The following SNX25 variants were observed in gnomAD, a reference collection of about 807,000 sequenced individuals.
SNX25 encodes the protein sorting nexin-25.
In SNX25, 62 loss-of-function variants were observed where a neutral mutation model predicts 113.7. The observed-to-expected ratio is 0.55, with a 90% CI of 0.44 to 0.67. SNX25 has a LOEUF of 0.67. Ranked by LOEUF, SNX25 falls within the 30% of genes least tolerant of loss-of-function variation. SNX25 has a pLI of 0.00. For synonymous variants in SNX25, 421 were observed against 436.2 expected, an observed-to-expected ratio of 0.97 and a Z score of 0.43; for missense variants, 1,014 against 1,161.0, an observed-to-expected ratio of 0.87 and a Z score of 1.84.
chr4:185,223,585 CCTGCCTAACA>C (rs1040244491), intron 1 of SNX25, among the ~76,000 whole-genome samples: 2 of 151,806 alleles, frequency 1.3e-5, no homozygotes, highest in African/African-American at 4.8e-5. Context: ...GTAGGACCAT[CCTGCCTAACA>C]CGGTGAAACC....
At chr4:185,337,795 T>C (rs2095239444) in intron 10 of SNX25, among the ~76,000 whole-genome samples, 1 of 152,226 alleles carries the variant, frequency 6.6e-6, no homozygotes, top group Non-Finnish European at 1.5e-5. Flanking sequence ...TTAGGATATT[T>C]CTTATTTCAT....
intron 4 of SNX25, among the ~76,000 whole-genome samples, chr4:185,265,394 A>G (rs1747921168): frequency 6.6e-6 from 1 of 152,212 alleles, no homozygotes; most frequent in Non-Finnish European, 1.5e-5. Flanking sequence ...TACTGTAGGC[A>G]ATAGTAACAC....
chr4:185,311,239 A>G (rs1362246506), intron 7 of SNX25, among the ~76,000 whole-genome samples: 1 of 152,214 alleles, frequency 6.6e-6, no homozygotes, highest in Non-Finnish European at 1.5e-5. Context: ...TGATATCTTC[A>G]TTGATGAAAT....
Position 185,320,881 on chromosome 4 carries a change from GAAAGGAATA to G in SNX25, c.1476+18_1476+26del. ...GCTAACAAGGTAGTATATGTAGGCT[GAAAGGAATA>G]TTAATCACTAGCTGATGTAAACTTG... On this transcript the variant is annotated intron_variant, in intron 8 of 18. Transcript: ENST00000652585. The G allele has an allele frequency of 6.4e-7, 1 of 1,562,840 alleles. No individual in the cohort carries two copies. The highest frequency in any genetic ancestry group is 8.6e-7 in the Non-Finnish European group (1 of 1,157,222).
chr4:185,322,791 C>T (rs774185636), intron 8 of SNX25, among the ~76,000 whole-genome samples: 8 of 152,140 alleles, frequency 5.3e-5, no homozygotes, highest in African/African-American at 1.4e-4. Context: ...CTAGCTTCCT[C>T]GAAATAGCCT....
intron 1 of SNX25, among the ~76,000 whole-genome samples, chr4:185,243,179 AT>A (rs1560927579): frequency 6.6e-6 from 1 of 152,200 alleles, no homozygotes; most frequent in Non-Finnish European, 1.5e-5. Flanking sequence ...TTGCAATTTG[AT>A]TTTTATTATG....
chr4:185,352,219 C>T (rs1023593144), intron 14 of SNX25, among the ~76,000 whole-genome samples: 4 of 152,214 alleles, frequency 2.6e-5, no homozygotes, highest in Admixed American at 6.5e-5. Flanking sequence ...GTAGGCTGTG[C>T]ACTCCTGTTC....
chr4:185,307,105 C>G (rs1754573478), intron 6 of SNX25, among the ~76,000 whole-genome samples: 1 of 152,180 alleles, frequency 6.6e-6, no homozygotes, highest in Admixed American at 6.6e-5. Context: ...AAAGCTGCTT[C>G]TGATAAAAAC....
At chr4:185,273,002 A>G (rs574782707) in intron 5 of SNX25, among the ~76,000 whole-genome samples, 5 of 152,296 alleles carry the variant, frequency 3.3e-5, no homozygotes, top group African/African-American at 1.2e-4. Flanking sequence ...ACTGAATGCC[A>G]GTGGTATTCT....
chr4:185,228,206 T>TTA (rs1309952240), intron 1 of SNX25, among the ~76,000 whole-genome samples: 1 of 152,014 alleles, frequency 6.6e-6, no homozygotes, highest in Non-Finnish European at 1.5e-5. Context: ...GGGGAGTGTG[T>TTA]GTTATGGGAT....
intron 2 of SNX25, among the ~76,000 whole-genome samples, chr4:185,249,415 C>T (rs987401274): frequency 1.2e-4 from 18 of 152,094 alleles, no homozygotes; most frequent in African/African-American, 4.3e-4. Flanking sequence ...GTGTTATTGA[C>T]AATTTTCAGA....
intron 7 of SNX25, among the ~76,000 whole-genome samples, chr4:185,320,117 C>T (rs760435521): frequency 2.6e-5 from 4 of 152,160 alleles, no homozygotes; most frequent in Non-Finnish European, 5.9e-5. Context: ...TCAGCAATCC[C>T]ATTACTGCAT....
chr4:185,338,739 C>T (rs902660375), intron 10 of SNX25, among the ~76,000 whole-genome samples: 9 of 152,200 alleles, frequency 5.9e-5, no homozygotes, highest in African/African-American at 1.7e-4. Flanking sequence ...GTTGAAAACA[C>T]TGTTCTTTCC....
chr4:185,298,881 G>C (rs2587163), intron 6 of SNX25, among the ~76,000 whole-genome samples: 67,112 of 151,940 alleles, frequency 0.44, 14,981 homozygotes, highest in South Asian at 0.55. Context: ...TGTTAGATCC[G>C]TCATGGCAGT....
intron 14 of SNX25, 55 bp from the exon 15 acceptor site, chr4:185,353,430 C>A: frequency 7.3e-7 from 1 of 1,371,206 alleles, no homozygotes; most frequent in Non-Finnish European, 1.0e-6. Context: ...GAGAACAACT[C>A]TACCAATTTT....
At chr4:185,359,927 T>C (rs570804184) in intron 16 of SNX25, among the ~76,000 whole-genome samples, 2 of 152,338 alleles carry the variant, frequency 1.3e-5, no homozygotes, top group South Asian at 4.1e-4. Flanking sequence ...TTTTATCAAG[T>C]AGCGATCATG....
At chr4:185,212,491 G>GTGTTTTTGTTT (rs546083196) in intron 1 of SNX25, among the ~76,000 whole-genome samples, 1,743 of 104,836 alleles carry the variant, frequency 0.017, 51 homozygotes, top group Non-Finnish European at 0.021. Context: ...GTGTGTGTGT[G>GTGTTTTTGTTT]TTTTTTTTTT....
intron 9 of SNX25, among the ~76,000 whole-genome samples, chr4:185,328,720 T>A (rs11728119): frequency 0.15 from 23,193 of 152,178 alleles, 2,493 homozygotes; most frequent in African/African-American, 0.31. Flanking sequence ...CTATTTGATC[T>A]GCGACAAATC....
intron 1 of SNX25, among the ~76,000 whole-genome samples, chr4:185,243,691 A>G (rs1416951721): frequency 2.0e-5 from 3 of 152,138 alleles, no homozygotes; most frequent in Admixed American, 1.3e-4. Flanking sequence ...AGAAACCACC[A>G]TTTTATCATT....
Sources: gnomAD v4.1 joint callset for allele counts (sites outside exome capture counted in the v4.1 genomes callset) on GRCh38, gnomAD v4.1.1 for gene constraint, MANE v1.5 for transcripts, NCBI Gene and HGNC (gene_info 2026-07-23, HGNC 2026-07-21) for gene names.